HDAC8: variants seen among roughly 807,000 people sequenced by gnomAD.
HDAC8 encodes histone deacetylase-like 1.
HDAC8 carries 1 observed loss-of-function variant against 32.2 expected under a neutral mutation model. The ratio of observed to expected loss-of-function variants is 0.03; its 90% CI spans 0.01 to 0.15. The LOEUF is 0.15. Ranked by LOEUF, HDAC8 falls within the 10% of genes least tolerant of loss-of-function variation. The pLI is 1.00. For synonymous variants in HDAC8, 108 were observed against 113.9 expected (o/e 0.95, Z 0.33); for missense variants, 117 against 300.0 (o/e 0.39, Z 4.51).
intron 9 of HDAC8, among the ~76,000 whole-genome samples, chrX:72,422,788 G>A (rs904809447): frequency 1.8e-5 from 2 of 111,108 alleles, no homozygotes; most frequent in African/African-American, 6.6e-5. Flanking sequence ...TGAGTTAGGT[G>A]CAACAGAGAT....
At chrX:72,466,335 T>C (rs1555994626) in intron 7 of HDAC8, among the ~76,000 whole-genome samples, 2 of 112,046 alleles carry the variant, frequency 1.8e-5, no homozygotes, top group Admixed American at 9.5e-5. Flanking sequence ...ACACAACCCC[T>C]AGCTTCATGT....
chrX:72,504,128 A>G (rs1556017645), intron 4 of HDAC8, among the ~76,000 whole-genome samples: 7 of 112,264 alleles, frequency 6.2e-5, no homozygotes, highest in Non-Finnish European at 1.9e-5. Flanking sequence ...ATCAAGCTAA[A>G]TCTAATGAGA....
chrX:72,473,589 A>G, intron 7 of HDAC8: 8 of 492,048 alleles, frequency 1.6e-5, no homozygotes, highest in Non-Finnish European at 2.0e-5. Context: ...TCACACAGCT[A>G]TTAAGTGGCA....
intron 9 of HDAC8, among the ~76,000 whole-genome samples, chrX:72,447,201 C>G (rs868978394): frequency 1.1e-4 from 12 of 112,113 alleles, no homozygotes; most frequent in African/African-American, 3.9e-4. Flanking sequence ...AAAATACTGG[C>G]AAACCAAATT....
chrX:72,444,039 A>G (rs1555983370), intron 9 of HDAC8, among the ~76,000 whole-genome samples: 1 of 109,966 alleles, frequency 9.1e-6, no homozygotes, highest in East Asian at 2.9e-4. Context: ...TTGTGGCAAT[A>G]ATCAATAGCT....
intron 4 of HDAC8, among the ~76,000 whole-genome samples, chrX:72,531,631 AC>A (rs2050342786): frequency 9.1e-6 from 1 of 110,489 alleles, no homozygotes; most frequent in African/African-American, 3.3e-5. Context: ...TTTCTCCTGA[AC>A]CCCCCAAGGC....
intron 4 of HDAC8, among the ~76,000 whole-genome samples, chrX:72,525,677 T>G (rs914845160): frequency 1.9e-5 from 2 of 106,391 alleles, no homozygotes; most frequent in African/African-American, 3.4e-5. Flanking sequence ...AGCCGGGCGT[T>G]GTGGCGGGCG....
chrX:72,456,574 G>C (rs2047724251), intron 9 of HDAC8, among the ~76,000 whole-genome samples: 1 of 111,501 alleles, frequency 9.0e-6, no homozygotes, highest in Non-Finnish European at 1.9e-5. Flanking sequence ...CAAGGCAGGC[G>C]AATTACTTGA....
intron 9 of HDAC8, among the ~76,000 whole-genome samples, chrX:72,374,710 T>C (rs1555957465): frequency 1.8e-5 from 2 of 111,165 alleles, no homozygotes; most frequent in Admixed American, 1.9e-4. Flanking sequence ...AAGTCCTTTA[T>C]ATATGATTTG....
Position 72,472,063 on chromosome X carries a change from AT to A in HDAC8, c.738-7333del, listed in dbSNP as rs1466233503. Among the ~76,000 whole-genome samples, 940 of 101,594 alleles carry A rather than the reference AT, an allele frequency of 9.3e-3. 4 individuals are homozygous for A. The highest frequency in any genetic ancestry group is 0.015 in the Non-Finnish European group (700 of 47,688). The allele number at this position is 101,594 out of a possible 115,157, so 88.2% of individuals were successfully genotyped here. On this transcript the variant is annotated intron_variant, in intron 7 of 10. Transcript: ENST00000373573. The stretch of plus-strand genomic sequence containing the variant: ...AGGGTCCAACTTTATTTTTTATTTT[AT>A]TTTATTTATTTTTTTTTTTTTGAGA...
intron 9 of HDAC8, among the ~76,000 whole-genome samples, chrX:72,438,808 A>G (rs2047031513): frequency 8.9e-6 from 1 of 111,889 alleles, no homozygotes; most frequent in African/African-American, 3.3e-5. Context: ...GAAATAAAGG[A>G]CTATGTGAAA....
chrX:72,437,755 G>A (rs1022986335), intron 9 of HDAC8, among the ~76,000 whole-genome samples: 2 of 112,077 alleles, frequency 1.8e-5, no homozygotes, highest in Admixed American at 9.4e-5. Flanking sequence ...GACCACCACA[G>A]CTCTGCAAAG....
At chrX:72,405,696 G>T (rs1252136455) in intron 9 of HDAC8, among the ~76,000 whole-genome samples, 1 of 112,260 alleles carries the variant, frequency 8.9e-6, no homozygotes, top group East Asian at 2.8e-4. Context: ...GGAGATAAAT[G>T]TTGAATCTTC....
chrX:72,441,675 G>A (rs1410501455), intron 9 of HDAC8, among the ~76,000 whole-genome samples: 3 of 112,483 alleles, frequency 2.7e-5, no homozygotes, highest in African/African-American at 9.7e-5. Flanking sequence ...AAGGAACAAA[G>A]CTGGATGGAG....
intron 9 of HDAC8, among the ~76,000 whole-genome samples, chrX:72,456,903 G>A (rs1177249169): frequency 9.0e-6 from 1 of 110,783 alleles, no homozygotes; most frequent in African/African-American, 3.3e-5. Flanking sequence ...ACCAGACAAA[G>A]ACACTACAAG....
At chrX:72,443,794 C>T (rs1180981452) in intron 9 of HDAC8, among the ~76,000 whole-genome samples, 198 of 108,280 alleles carry the variant, frequency 1.8e-3, no homozygotes, top group Middle Eastern at 9.5e-3. Flanking sequence ...GCTAGCAAGA[C>T]TAATAAAGAA....
intron 1 of HDAC8, chrX:72,572,399 T>C (rs2052125242): frequency 4.9e-6 from 2 of 405,820 alleles, no homozygotes; most frequent in Non-Finnish European, 8.4e-6. Flanking sequence ...GGAAACTGCG[T>C]CCTCTCCCCT....
chrX:72,469,400 C>T (rs1454460551), intron 7 of HDAC8, among the ~76,000 whole-genome samples: 1 of 112,362 alleles, frequency 8.9e-6, no homozygotes, highest in African/African-American at 3.2e-5. Flanking sequence ...TCAAGCGATC[C>T]TCCCACCTTG....
At chrX:72,474,551 C>T (rs1555999478) in intron 7 of HDAC8, 1 of 1,148,142 alleles carries the variant, frequency 8.7e-7, no homozygotes, top group Non-Finnish European at 1.2e-6. Context: ...TCTCTTTATA[C>T]TACATTAGTA....
Sources: gnomAD v4.1 joint callset for allele counts (sites outside exome capture counted in the v4.1 genomes callset) on GRCh38, gnomAD v4.1.1 for gene constraint, MANE v1.5 for transcripts, NCBI Gene and HGNC (gene_info 2026-07-23, HGNC 2026-07-21) for gene names.